Variants in NAV3 observed in about 807,000 individuals in gnomAD.
The protein encoded by NAV3 is neuron navigator 3, also known as pore membrane and/or filament interacting like protein 1.
Under a neutral mutation model 244.7 loss-of-function variants are expected in NAV3, and 87 were observed. That is an observed-to-expected ratio of 0.36 (90% confidence interval 0.30 to 0.42). The LOEUF is 0.42. NAV3 is among the 20% of genes least tolerant of loss of function. The probability of loss-of-function intolerance (pLI) is 1.00; values close to 1 mark genes in which losing one functional copy is unlikely to be tolerated. For missense variants in NAV3, 2,663 were observed against 2,893.3 expected, an observed-to-expected ratio of 0.92 and a Z score of 1.83; for synonymous variants, 1,126 against 1,042.2, an observed-to-expected ratio of 1.08 and a Z score of -1.55.
At chr12:78,184,077 C>T (rs576103687) in intron 30 of NAV3, among the ~76,000 whole-genome samples, 174 of 151,968 alleles carry the variant, frequency 1.1e-3, no homozygotes, top group Middle Eastern at 6.8e-3. Context: ...AGAGCAGGCT[C>T]CCTTCAGTTA....
At chr12:77,967,528 G>C (rs1271257) in intron 4 of NAV3, among the ~76,000 whole-genome samples, 121,673 of 152,038 alleles carry the variant, frequency 0.8, 48,840 homozygotes, top group East Asian at 0.98. Context: ...GAAATCCAAA[G>C]AGTTGGTTAA....
chr12:78,122,411 A>T lies in NAV3; in HGVS notation c.4221A>T (p.Arg1407Ser), dbSNP rs2138706670. The change falls in exon 16 of 40, where the codon AGA (arginine) becomes AGT (serine). Residue 1407 changes from arginine (R) to serine (S), a missense_variant. Around this residue, in one of 6 missense-constraint regions of NAV3, gnomAD observed 354 missense variants for 413.0 expected, o/e 0.86. Transcript: ENST00000397909. ...TGCTCATGAGAACGGGTAGTGTGAG[A>T]TCTACTCTCTCAGAAAGGTGAGCTT... The part of the protein sequence containing the change: ...QSLLMRTGSV[R>S]STLSESMQLD... 6.2e-7 allele frequency: 1 copy of T among 1,603,444 alleles called. No individual in the cohort carries two copies. The highest frequency in any genetic ancestry group is 1.1e-5 in the South Asian group (1 of 89,702).
At position 77,722,299 on chromosome 12, in the gene NAV3, T is replaced by C. The variant is rs12823564; in HGVS notation, c.72+150033T>C. ...GATAGGGATTATAATCATCCTTTTT[T>C]CAGGAAAAGATGAATTCAGGGTTTT... On this transcript the variant is annotated intron_variant, in intron 2 of 8. Transcript: ENST00000550042. Among the ~76,000 whole-genome samples the C allele has an allele frequency of 3.4e-3, 519 of 152,174 alleles. 5 individuals are homozygous for C. Among genetic ancestry groups the C allele is most frequent in the Non-Finnish European group, 2.8e-3 (188 of 67,984 alleles).
chr12:77,762,540 T>C (rs961231727), intron 2 of NAV3, among the ~76,000 whole-genome samples: 4 of 151,622 alleles, frequency 2.6e-5, no homozygotes, highest in Non-Finnish European at 5.9e-5. Flanking sequence ...GAGGCGGAGG[T>C]TGTAGTGAGC....
intron 2 of NAV3, among the ~76,000 whole-genome samples, chr12:77,695,217 AT>A (rs1301716213): frequency 2.0e-5 from 3 of 151,976 alleles, no homozygotes; most frequent in Non-Finnish European, 2.9e-5. Flanking sequence ...GGCTCAAGCA[AT>A]TTTTTTCCCG....
intron 2 of NAV3, among the ~76,000 whole-genome samples, chr12:77,696,460 T>C (rs770529): frequency 0.86 from 130,614 of 152,080 alleles, 57,078 homozygotes; most frequent in East Asian, 1. Flanking sequence ...CCAATAACCA[T>C]ATGCGTTCTG....
chr12:78,029,833 G>A (rs1213686114), intron 9 of NAV3, among the ~76,000 whole-genome samples: 1 of 152,100 alleles, frequency 6.6e-6, no homozygotes, highest in Non-Finnish European at 1.5e-5. Flanking sequence ...AAGTACTTAT[G>A]TATAAATAAT....
intron 2 of NAV3, among the ~76,000 whole-genome samples, chr12:77,794,860 T>C (rs1377495188): frequency 6.6e-6 from 1 of 152,214 alleles, no homozygotes; most frequent in Non-Finnish European, 1.5e-5. Flanking sequence ...ACTTAATTGA[T>C]AGATGCTGTG....
intron 19 of NAV3, among the ~76,000 whole-genome samples, chr12:78,139,349 C>T (rs1188698950): frequency 5.3e-5 from 8 of 152,084 alleles, no homozygotes; most frequent in Non-Finnish European, 8.8e-5. Flanking sequence ...GTAGTACCCA[C>T]CATATTGATC....
chr12:78,195,377 C>CT (rs771423070), intron 34 of NAV3, among the ~76,000 whole-genome samples: 111 of 149,088 alleles, frequency 7.4e-4, no homozygotes, highest in African/African-American at 2.5e-3. Flanking sequence ...TTATTATTTG[C>CT]TTTTTTTTCC....
intron 3 of NAV3, among the ~76,000 whole-genome samples, chr12:77,956,925 T>C (rs180735650): frequency 1.4e-3 from 219 of 152,170 alleles, no homozygotes; most frequent in African/African-American, 5.3e-3. Context: ...GTATTTTTAG[T>C]AGAGACAGGG....
At chr12:77,811,832 C>T (rs539309808) in intron 2 of NAV3, among the ~76,000 whole-genome samples, 1 of 152,270 alleles carries the variant, frequency 6.6e-6, no homozygotes, top group African/African-American at 2.4e-5. Flanking sequence ...TAACACAAAA[C>T]TAAGCATTTT....
At chr12:78,140,838 T>C (rs920222666) in intron 20 of NAV3, among the ~76,000 whole-genome samples, 1 of 151,858 alleles carries the variant, frequency 6.6e-6, no homozygotes. Flanking sequence ...TTTTTAAATA[T>C]ACCTTTTGAA....
chr12:77,921,853 A>T (rs1054188982), intron 1 of NAV3, among the ~76,000 whole-genome samples: 7 of 152,158 alleles, frequency 4.6e-5, no homozygotes, highest in African/African-American at 1.2e-4. Flanking sequence ...GTGACTTGCT[A>T]CTTAATGACT....
chr12:78,037,202 T>A (rs540471223), intron 9 of NAV3: 10 of 702,706 alleles, frequency 1.4e-5, no homozygotes, highest in Non-Finnish European at 2.6e-5. Flanking sequence ...GCTTGGAAGG[T>A]GAGAGTGATG....
At chr12:77,729,148 A>C (rs1309091992) in intron 2 of NAV3, among the ~76,000 whole-genome samples, 2 of 152,058 alleles carry the variant, frequency 1.3e-5, no homozygotes, top group Non-Finnish European at 2.9e-5. Flanking sequence ...TTCTGGGGGA[A>C]GTGAAAAGTT....
At chr12:77,836,040 G>C (rs1176662219) in intron 1 of NAV3, among the ~76,000 whole-genome samples, 2 of 152,148 alleles carry the variant, frequency 1.3e-5, no homozygotes, top group East Asian at 3.9e-4. Flanking sequence ...GCTATATCTT[G>C]TTCTGATTTC....
At chr12:77,900,519 A>C (rs888348029) in intron 1 of NAV3, among the ~76,000 whole-genome samples, 15 of 152,040 alleles carry the variant, frequency 9.9e-5, no homozygotes, top group Non-Finnish European at 4.4e-5. Flanking sequence ...AGATGATTTC[A>C]TTATTTTTTA....
At chr12:77,814,370 G>T (rs1369099732) in intron 2 of NAV3, among the ~76,000 whole-genome samples, 1 of 152,082 alleles carries the variant, frequency 6.6e-6, no homozygotes, top group East Asian at 1.9e-4. Flanking sequence ...CTGCTTTTCT[G>T]CCGTGGTTTG....
Sources: allele counts gnomAD v4.1 joint callset (sites outside exome capture counted in the v4.1 genomes callset), GRCh38; gene constraint gnomAD v4.1.1; regional missense constraint gnomAD v4.1.1; transcripts MANE v1.5; gene names NCBI Gene and HGNC (gene_info 2026-07-23, HGNC 2026-07-21).